Variants in RERG observed in about 807,000 individuals in gnomAD.
The protein encoded by RERG is RAS like estrogen regulated growth inhibitor.
A neutral mutation model predicts 23.2 loss-of-function variants in RERG; 25 were observed. That is an observed-to-expected ratio of 1.08 (90% confidence interval 0.79 to 1.50). The LOEUF (loss-of-function observed/expected upper bound fraction) is 1.50, where lower values mean the gene tolerates loss of function less well. Among genes scored for constraint, RERG ranks in the 40% most tolerant of loss-of-function variants. The probability of loss-of-function intolerance (pLI) is 0.00; values close to 1 mark genes in which losing one functional copy is unlikely to be tolerated. For synonymous variants in RERG, 81 were observed against 89.1 expected (o/e 0.91, Z 0.51); for missense variants, 253 against 250.1 (o/e 1.01, Z -0.08).
In RERG at chr12:15,109,544, A is replaced by G. The variant is rs770303651; in HGVS notation, c.193-27T>C. On this transcript the variant is annotated intron_variant, in intron 4 of 4. Transcript: ENST00000256953. The stretch of plus-strand genomic sequence containing the variant: ...TGTTGGCAAAGAAAAATGGCCGTCA[A>G]GAGACCTGGAAATAATCAAAATATA... 22 of 1,547,852 alleles carry G rather than the reference A, an allele frequency of 1.4e-5. No individual in the cohort carries two copies. In the African/African-American group the frequency reaches 2.3e-4, roughly 16 times the overall value.
intron 2 of RERG, chr12:15,154,439 CT>C (rs766286058): frequency 1.3e-5 from 2 of 152,192 alleles, no homozygotes; most frequent in Non-Finnish European, 2.9e-5. Context: ...ATAAATTCTA[CT>C]TTGATTATTG....
At chr12:15,121,237 A>T (rs1863826436) in intron 2 of RERG, 118 bp from the exon 3 acceptor site, 1 of 708,640 alleles carries the variant, frequency 1.4e-6, no homozygotes, top group African/African-American at 1.8e-5. Flanking sequence ...TATTTCCTTG[A>T]TATATAAAAC....
intron 2 of RERG, among the ~76,000 whole-genome samples, chr12:15,129,306 T>G (rs943259064): frequency 6.6e-6 from 1 of 150,846 alleles, no homozygotes; most frequent in African/African-American, 2.4e-5. Context: ...CAGAAAATTA[T>G]GTGATTTGAA....
chr12:15,117,623 A>T (rs1041469602), intron 3 of RERG, among the ~76,000 whole-genome samples: 3 of 152,032 alleles, frequency 2.0e-5, no homozygotes, highest in Admixed American at 6.6e-5. Flanking sequence ...GTAGTGATAG[A>T]GGCTGAAATA....
At chr12:15,188,756 G>A (rs1865027771) in intron 2 of RERG, among the ~76,000 whole-genome samples, 2 of 152,058 alleles carry the variant, frequency 1.3e-5, no homozygotes, top group Admixed American at 6.6e-5. Context: ...TTCCTTAAAA[G>A]GGTTTTTCAG....
At chr12:15,136,859 A>T (rs1375562970) in intron 2 of RERG, among the ~76,000 whole-genome samples, 2 of 151,992 alleles carry the variant, frequency 1.3e-5, no homozygotes, top group African/African-American at 4.8e-5. Flanking sequence ...TGAAGAAGAA[A>T]AAATGTGTAT....
chr12:15,178,019 GCT>G (rs1864875975), intron 2 of RERG, among the ~76,000 whole-genome samples: 1 of 151,872 alleles, frequency 6.6e-6, no homozygotes, highest in African/African-American at 2.4e-5. Context: ...CTACTTTTTA[GCT>G]TCTTTCTCAA....
intron 3 of RERG, among the ~76,000 whole-genome samples, chr12:15,116,657 GC>G (rs1247882828): frequency 1.3e-5 from 2 of 151,782 alleles, no homozygotes; most frequent in African/African-American, 4.8e-5. Flanking sequence ...CTCATTAGAA[GC>G]CCATTTTCTC....
rs565494164 is a variant in RERG at position 15,115,614 on chromosome 12, T to TAACCAACC, written c.119-4205_119-4198dup. Among the ~76,000 whole-genome samples the TAACCAACC allele has an allele frequency of 1.6e-4, 24 of 152,208 alleles. 1 individual carries two copies. Among genetic ancestry groups the TAACCAACC allele is most frequent in the Admixed American group, 1.4e-3 (21 of 15,282 alleles). ...TTTGTACCCAAACTACCCAAATCAT[T>TAACCAACC]AACCAACCAACCAACCAACCAACCA... On this transcript the variant is annotated intron_variant, in intron 3 of 4. Transcript: ENST00000256953.
At chr12:15,177,811 A>G (rs1358167662) in intron 2 of RERG, among the ~76,000 whole-genome samples, 2 of 149,346 alleles carry the variant, frequency 1.3e-5, no homozygotes, top group Non-Finnish European at 3.0e-5. Context: ...AAAAACTAAA[A>G]TTGATATCTC....
At chr12:15,111,306 T>G in intron 4 of RERG, 38 bp downstream of exon 4, 3 of 1,512,004 alleles carry the variant, frequency 2.0e-6, no homozygotes, top group Non-Finnish European at 2.7e-6. Context: ...CAGTTTTATT[T>G]GATCCAGAAA....
intron 2 of RERG, among the ~76,000 whole-genome samples, chr12:15,146,202 T>C (rs1298841486): frequency 6.6e-6 from 1 of 152,220 alleles, no homozygotes; most frequent in Non-Finnish European, 1.5e-5. Flanking sequence ...AAATAAACTT[T>C]AAATGTTTCA....
chr12:15,168,984 T>TG (rs1864735115), intron 2 of RERG, among the ~76,000 whole-genome samples: 1 of 152,168 alleles, frequency 6.6e-6, no homozygotes. Flanking sequence ...CTAAAGGTTT[T>TG]TTTTTGTTGT....
chr12:15,143,647 A>G (rs1307171608), intron 2 of RERG, among the ~76,000 whole-genome samples: 1 of 152,160 alleles, frequency 6.6e-6, no homozygotes, highest in Non-Finnish European at 1.5e-5. Context: ...AGAGATGTAA[A>G]CAGATGAAAT....
intron 2 of RERG, among the ~76,000 whole-genome samples, chr12:15,160,273 T>C (rs1219455896): frequency 6.6e-6 from 1 of 152,166 alleles, no homozygotes; most frequent in East Asian, 1.9e-4. Context: ...TACAAAGCAC[T>C]GTGACCCTCG....
intron 2 of RERG, among the ~76,000 whole-genome samples, chr12:15,147,257 T>C (rs184398065): frequency 2.0e-4 from 31 of 152,336 alleles, no homozygotes; most frequent in Admixed American, 1.3e-4. Flanking sequence ...CTTACATTAA[T>C]ATTAGAAATC....
At chr12:15,125,465 A>G (rs1863921487) in intron 2 of RERG, among the ~76,000 whole-genome samples, 1 of 152,040 alleles carries the variant, frequency 6.6e-6, no homozygotes, top group African/African-American at 2.4e-5. Context: ...AGCTCTCTTC[A>G]TTTCTCCTCC....
chr12:15,138,280 G>T, intron 2 of RERG: 1 of 160,114 alleles, frequency 6.2e-6, no homozygotes, highest in Admixed American at 6.2e-5. Context: ...CTCTCCTTCT[G>T]GTATTGCCTC....
intron 2 of RERG, among the ~76,000 whole-genome samples, chr12:15,172,282 A>G (rs566290530): frequency 2.0e-5 from 3 of 152,272 alleles, no homozygotes; most frequent in East Asian, 1.9e-4. Flanking sequence ...TGTTTTCAAG[A>G]TTCATCCATG....
Sources: allele counts gnomAD v4.1 joint callset (sites outside exome capture counted in the v4.1 genomes callset), GRCh38; gene constraint gnomAD v4.1.1; transcripts MANE v1.5; gene names NCBI Gene and HGNC (gene_info 2026-07-23, HGNC 2026-07-21).